The following SVOPL variants were observed in gnomAD, a reference collection of about 807,000 sequenced individuals.
SVOPL encodes SVOP like.
SVOPL carries 60 observed loss-of-function variants against 61.0 expected under a neutral mutation model. The observed-to-expected ratio is 0.98, with a 90% CI of 0.80 to 1.22. The LOEUF is 1.22. SVOPL is among the 50% of genes most tolerant of loss of function. The pLI is 0.00. For synonymous variants in SVOPL, 279 were observed against 250.0 expected (o/e 1.12, Z -1.09); for missense variants, 662 against 643.9 (o/e 1.03, Z -0.30).
At chr7:138,698,356 G>C (rs1244644592) in intron 1 of SVOPL, among the ~76,000 whole-genome samples, 1 of 152,192 alleles carries the variant, frequency 6.6e-6, no homozygotes, top group African/African-American at 2.4e-5. Context: ...CTGAGATGCA[G>C]GTGAAGGTTG....
At chr7:138,684,136 A>C (rs1802755882) in intron 1 of SVOPL, among the ~76,000 whole-genome samples, 1 of 151,174 alleles carries the variant, frequency 6.6e-6, no homozygotes, top group East Asian at 2.0e-4. Flanking sequence ...AGGCCGAGGC[A>C]GGCAGATCAC....
rs35516590 is a variant in SVOPL at position 138,609,489 on chromosome 7, C to CAAA, written c.1353+11554_1353+11556dup. The stretch of plus-strand genomic sequence containing the variant: ...GCAACATGGCAAGACACCACCTCTA[C>CAAA]AAAAAAAAAAAAAAAAAAAAATAGC... On this transcript the variant is annotated intron_variant, in intron 14 of 15. Coordinates refer to ENST00000674285, the MANE Select transcript of SVOPL (RefSeq NM_001139456.2). Among the ~76,000 whole-genome samples the CAAA allele has an allele frequency of 4.3e-3, 208 of 48,104 alleles. 2 individuals are homozygous for CAAA. Among genetic ancestry groups the CAAA allele is most frequent in the African/African-American group, 0.013 (168 of 12,500 alleles). 31.6% of individuals were successfully genotyped at this position (48,104 alleles called of 152,430 possible). A position where few individuals can be genotyped will look rare whatever the true frequency, so the allele number is the denominator to read the frequency against.
chr7:138,644,855 G>A lies in SVOPL; in HGVS notation c.661-10C>T. On this transcript the variant is annotated splice_polypyrimidine_tract_variant and intron_variant, in intron 8 of 15. Coordinates refer to ENST00000674285, the MANE Select transcript of SVOPL (RefSeq NM_001139456.2). The stretch of plus-strand genomic sequence containing the variant: ...CAGATTCAGGAATAAACTGGGTAGA[G>A]ATTACAAAGAACATCAGAGTGGCCA... The A allele has an allele frequency of 6.2e-7, 1 of 1,614,172 alleles. No individual in the cohort carries two copies. Among genetic ancestry groups the A allele is most frequent in the South Asian group, 1.1e-5 (1 of 91,084 alleles).
At position 138,678,632 on chromosome 7, in the gene SVOPL, C is replaced by CG. The variant is rs1304572531; in HGVS notation, c.83-108dup. The CG allele has an allele frequency of 1.3e-5, 15 of 1,116,612 alleles. 1 individual carries two copies. In the East Asian group the frequency reaches 2.3e-4, roughly 17 times the overall value. 69.2% of individuals were successfully genotyped at this position (1,116,612 alleles called of 1,614,324 possible). A position where few individuals can be genotyped will look rare whatever the true frequency, so the allele number is the denominator to read the frequency against. On this transcript the variant is annotated intron_variant, in intron 2 of 15. Transcript: ENST00000674285. Reference sequence around the variant, plus strand: ...CCATTATTATAAAAACAAGTTAATACGGGGGGTCAGTGGTAGGCAACCTCT... The same window carrying CG: ...CCATTATTATAAAAACAAGTTAATACGGGGGGGTCAGTGGTAGGCAACCTCT...
intron 7 of SVOPL, among the ~76,000 whole-genome samples, chr7:138,650,936 G>A (rs565937119): frequency 6.6e-4 from 99 of 150,344 alleles, no homozygotes; most frequent in African/African-American, 2.0e-3. Context: ...CTTTCTCCTC[G>A]TTCCTCTGAA....
chr7:138,596,737 T>G, intron 14 of SVOPL: 1 of 1,251,676 alleles, frequency 8.0e-7, no homozygotes, highest in Non-Finnish European at 1.0e-6. Flanking sequence ...GAACTGGTAT[T>G]AACACGCATT....
At position 138,656,479 on chromosome 7, in the gene SVOPL, T is replaced by G. The variant is rs1195585666; in HGVS notation, c.503A>C (p.Lys168Thr). 2 of 1,614,094 alleles carry G rather than the reference T, an allele frequency of 1.2e-6. No individual in the cohort carries two copies. Among genetic ancestry groups the G allele is most frequent in the Non-Finnish European group, 8.5e-7 (1 of 1,180,004 alleles). Residue 168 changes from lysine (K) to threonine (T), a missense_variant, in exon 7 of 16, where the codon AAA becomes ACA. Lys to Thr is a moderately conservative substitution (Grantham distance 78). Transcript: ENST00000674285. ...LIIKTEFLPT[K>T]YRGYMLPLSQ... is the part of the protein sequence containing the mutation. ...CAAGGGTAACATATAGCCTCGGTAT[T>G]TCGTGGGCAAAAATTCAGTCTTTAT...
At chr7:138,698,427 A>T (rs1803119613) in intron 1 of SVOPL, among the ~76,000 whole-genome samples, 1 of 152,046 alleles carries the variant, frequency 6.6e-6, no homozygotes, top group Admixed American at 6.6e-5. Flanking sequence ...CCCTCGCTAG[A>T]CTAGAGGCAG....
intron 7 of SVOPL, among the ~76,000 whole-genome samples, chr7:138,654,602 C>T (rs1673178): frequency 0.77 from 116,525 of 150,506 alleles, 45,710 homozygotes; most frequent in Middle Eastern, 0.86. Flanking sequence ...CAGGTTCAAG[C>T]GATTCTCCTG....
chr7:138,678,500 A>C lies in SVOPL; in HGVS notation c.108T>G (p.Asp36Glu). The change falls in exon 3 of 16, where the codon GAT (aspartate) becomes GAG (glutamate). Residue 36 changes from aspartate (D) to glutamate (E), a missense_variant. Transcript: ENST00000674285. The part of the protein sequence containing the change: ...VKEPKTFTVE[D>E]AVETIGFGRF... ...GCCCGAAGCCGATAGTCTCCACTGC[A>C]TCTTCCACGGTGAACGTCTTTGGCT... The C allele has an allele frequency of 6.4e-7, 1 of 1,552,214 alleles. No individual in the cohort carries two copies. The highest frequency in any genetic ancestry group is 8.7e-7 in the Non-Finnish European group (1 of 1,147,102).
intron 7 of SVOPL, among the ~76,000 whole-genome samples, chr7:138,652,440 G>T (rs1801486262): frequency 6.6e-6 from 1 of 150,728 alleles, no homozygotes; most frequent in African/African-American, 2.4e-5. Flanking sequence ...TCCCACCTTG[G>T]CCTCCAAAGC....
chr7:138,693,617 AAAG>A (rs1367846726), intron 1 of SVOPL, among the ~76,000 whole-genome samples: 2 of 151,732 alleles, frequency 1.3e-5, no homozygotes, highest in African/African-American at 2.4e-5. Context: ...AAAAAGAAAG[AAAG>A]AAAAAAGAAG....
intron 5 of SVOPL, chr7:138,662,145 G>C: frequency 1.0e-6 from 1 of 985,466 alleles, no homozygotes; most frequent in African/African-American, 1.7e-5. Context: ...CCCTGGACGG[G>C]ACATTCAGGC....
At chr7:138,637,276 A>C (rs910194079) in intron 9 of SVOPL, among the ~76,000 whole-genome samples, 1 of 151,912 alleles carries the variant, frequency 6.6e-6, no homozygotes, top group African/African-American at 2.4e-5. Flanking sequence ...AAAAATACAA[A>C]AATTAGTTAG....
chr7:138,626,387 C>T (rs1180539619), intron 12 of SVOPL, among the ~76,000 whole-genome samples: 4 of 152,020 alleles, frequency 2.6e-5, no homozygotes, highest in Non-Finnish European at 5.9e-5. Context: ...AGACTAGCCT[C>T]AGCAACATAG....
intron 3 of SVOPL, 106 bp downstream of exon 3, chr7:138,678,328 G>A: frequency 8.2e-7 from 1 of 1,222,048 alleles, no homozygotes; most frequent in Non-Finnish European, 1.1e-6. Flanking sequence ...GACCTCCTGA[G>A]GGCTGTGTCA....
At chr7:138,644,183 G>C (rs536140512) in intron 9 of SVOPL, among the ~76,000 whole-genome samples, 1 of 109,666 alleles carries the variant, frequency 9.1e-6, no homozygotes, top group African/African-American at 3.5e-5. Context: ...CCTGGTGACA[G>C]AGCAAGACTC....
intron 1 of SVOPL, among the ~76,000 whole-genome samples, chr7:138,686,405 CAAAAAAAAAAA>C (rs200553829): frequency 8.5e-4 from 75 of 88,702 alleles, no homozygotes; most frequent in Admixed American, 6.8e-4. Flanking sequence ...GACTCCGCCT[CAAAAAAAAAAA>C]AAAAAAAAAA....
chr7:138,603,955 C>CTTT (rs560678707), intron 14 of SVOPL, among the ~76,000 whole-genome samples: 21 of 109,236 alleles, frequency 1.9e-4, no homozygotes, highest in Non-Finnish European at 3.0e-4. Context: ...TTAATTTATT[C>CTTT]TTTTTTTTTT....
Sources: gnomAD v4.1 joint callset for allele counts (sites outside exome capture counted in the v4.1 genomes callset) on GRCh38, gnomAD v4.1.1 for gene constraint, MANE v1.5 for transcripts, NCBI Gene and HGNC (gene_info 2026-07-23, HGNC 2026-07-21) for gene names.